The following UNC5C variants were observed in gnomAD, a reference collection of about 807,000 sequenced individuals.
The protein encoded by UNC5C is unc-5 netrin receptor C.
UNC5C carries 47 observed loss-of-function variants against 99.8 expected under a neutral mutation model. That is an observed-to-expected ratio of 0.47 (90% CI 0.37 to 0.60). The LOEUF (loss-of-function observed/expected upper bound fraction) is 0.60. UNC5C is among the 20% of genes least tolerant of loss of function. The probability of loss-of-function intolerance (pLI) is 0.00; values close to 1 mark genes in which losing one functional copy is unlikely to be tolerated. For synonymous variants in UNC5C, 487 were observed against 452.2 expected, an observed-to-expected ratio of 1.08 and a Z score of -0.98; for missense variants, 1,062 against 1,165.9, an observed-to-expected ratio of 0.91 and a Z score of 1.30.
chr4:95,183,084 C>G (rs767924299), intron 13 of UNC5C, 23 bp from the exon 14 acceptor site: 2 of 1,587,408 alleles, frequency 1.3e-6, no homozygotes, highest in Non-Finnish European at 1.7e-6. Flanking sequence ...AAAGTGTTAA[C>G]CACAATTGAA....
chr4:95,326,256 C>T (rs565396277), intron 2 of UNC5C, among the ~76,000 whole-genome samples: 1 of 111,724 alleles, frequency 9.0e-6, no homozygotes, highest in South Asian at 2.6e-4. Context: ...TTTCTGCTAA[C>T]TTGAGAATAA....
At chr4:95,366,622 C>A (rs1052591199) in intron 1 of UNC5C, among the ~76,000 whole-genome samples, 3 of 152,132 alleles carry the variant, frequency 2.0e-5, no homozygotes, top group African/African-American at 7.2e-5. Context: ...ATTGGTAGGA[C>A]CTTTGTCAAC....
chr4:95,244,418 T>C (rs947433449), intron 6 of UNC5C, among the ~76,000 whole-genome samples: 2 of 152,110 alleles, frequency 1.3e-5, no homozygotes, highest in South Asian at 2.1e-4. Flanking sequence ...AACAAAAAAA[T>C]AGATGACCAA....
At chr4:95,211,487 T>C (rs771947421) in intron 10 of UNC5C, among the ~76,000 whole-genome samples, 19 of 152,362 alleles carry the variant, frequency 1.2e-4, no homozygotes, top group Non-Finnish European at 2.5e-4. Flanking sequence ...AACTCATTGC[T>C]GTTTTTCTTT....
chr4:95,179,971 T>TAGAA (rs1032616834), intron 14 of UNC5C, among the ~76,000 whole-genome samples: 34 of 150,768 alleles, frequency 2.3e-4, no homozygotes, highest in African/African-American at 7.7e-4. Flanking sequence ...TGATTGATGA[T>TAGAA]AGAAAGAAAA....
At chr4:95,188,195 G>A (rs1736912009) in intron 12 of UNC5C, among the ~76,000 whole-genome samples, 1 of 152,128 alleles carries the variant, frequency 6.6e-6, no homozygotes, top group Non-Finnish European at 1.5e-5. Context: ...CAGACAGCTT[G>A]TCCTTTCACT....
chr4:95,190,400 T>C (rs1737029484), intron 12 of UNC5C, among the ~76,000 whole-genome samples: 1 of 152,122 alleles, frequency 6.6e-6, no homozygotes, highest in Admixed American at 6.5e-5. Flanking sequence ...AATGAGGAGT[T>C]AATGGGTGCA....
intron 1 of UNC5C, among the ~76,000 whole-genome samples, chr4:95,524,173 G>T (rs1029383248): frequency 6.6e-6 from 1 of 152,130 alleles, no homozygotes; most frequent in Admixed American, 6.6e-5. Flanking sequence ...CATCAGGAAG[G>T]CTAAGGGTGT....
At chr4:95,256,326 C>A (rs1739979144) in intron 4 of UNC5C, among the ~76,000 whole-genome samples, 1 of 152,138 alleles carries the variant, frequency 6.6e-6, no homozygotes, top group Non-Finnish European at 1.5e-5. Context: ...ACCTCCTGAA[C>A]CGCCTTTCCA....
intron 2 of UNC5C, among the ~76,000 whole-genome samples, chr4:95,302,654 C>A (rs1033767661): frequency 2.0e-5 from 3 of 152,138 alleles, no homozygotes; most frequent in Non-Finnish European, 2.9e-5. Context: ...CAGCAGAACA[C>A]CCCTAGGGAG....
chr4:95,190,796 T>A (rs938165591), intron 12 of UNC5C, among the ~76,000 whole-genome samples: 1 of 152,122 alleles, frequency 6.6e-6, no homozygotes, highest in African/African-American at 2.4e-5. Context: ...AGCAATCCTG[T>A]GGGAGGGCCT....
intron 7 of UNC5C, among the ~76,000 whole-genome samples, chr4:95,228,171 A>G (rs1194441565): frequency 6.6e-6 from 1 of 152,198 alleles, no homozygotes; most frequent in African/African-American, 2.4e-5. Flanking sequence ...TATATTTGAG[A>G]GTCTCAAGAA....
At chr4:95,323,951 G>A (rs1053721919) in intron 2 of UNC5C, among the ~76,000 whole-genome samples, 3 of 152,044 alleles carry the variant, frequency 2.0e-5, no homozygotes, top group Non-Finnish European at 4.4e-5. Context: ...CAGGAGAATC[G>A]CTTGAACCCG....
chr4:95,519,401 G>A (rs1437769099), intron 1 of UNC5C, among the ~76,000 whole-genome samples: 1 of 151,992 alleles, frequency 6.6e-6, no homozygotes, highest in African/African-American at 2.4e-5. Flanking sequence ...CCCCTTAAGA[G>A]ACCCATAGAA....
chr4:95,386,822 T>C (rs933241341), intron 1 of UNC5C, among the ~76,000 whole-genome samples: 1 of 152,180 alleles, frequency 6.6e-6, no homozygotes, highest in South Asian at 2.1e-4. Flanking sequence ...TTATGCTTAA[T>C]TTAATGTGTG....
chr4:95,501,071 A>G (rs1485604), intron 1 of UNC5C, among the ~76,000 whole-genome samples: 58,534 of 151,958 alleles, frequency 0.39, 12,436 homozygotes, highest in East Asian at 0.51. Context: ...TAAAACACCA[A>G]ACTCATAAGC....
intron 1 of UNC5C, among the ~76,000 whole-genome samples, chr4:95,520,366 T>A (rs1722321904): frequency 6.6e-6 from 1 of 152,172 alleles, no homozygotes; most frequent in Non-Finnish European, 1.5e-5. Flanking sequence ...TAACACCGAT[T>A]GACTCATTGT....
chr4:95,523,070 C>A (rs901178839), intron 1 of UNC5C, among the ~76,000 whole-genome samples: 1 of 152,164 alleles, frequency 6.6e-6, no homozygotes, highest in Admixed American at 6.5e-5. Flanking sequence ...CACCTAGGGA[C>A]ACCCACAGGA....
chr4:95,406,559 G>C (rs1402201517), intron 1 of UNC5C, among the ~76,000 whole-genome samples: 6 of 152,134 alleles, frequency 3.9e-5, no homozygotes, highest in Non-Finnish European at 8.8e-5. Flanking sequence ...TTGATTCACA[G>C]TCCAAATTTA....
Sources: gnomAD v4.1 joint callset for allele counts (sites outside exome capture counted in the v4.1 genomes callset) on GRCh38, gnomAD v4.1.1 for gene constraint, MANE v1.5 for transcripts, NCBI Gene and HGNC (gene_info 2026-07-23, HGNC 2026-07-21) for gene names.